Variants in JAZF1 observed in about 807,000 individuals in gnomAD.
The protein encoded by JAZF1 is JAZF zinc finger 1.
A neutral mutation model predicts 26.4 loss-of-function variants in JAZF1; 8 were observed. The ratio of observed to expected loss-of-function variants is 0.30; its 90% CI spans 0.18 to 0.55. The LOEUF (loss-of-function observed/expected upper bound fraction) is 0.55, where lower values mean the gene tolerates loss of function less well. Ranked by LOEUF, JAZF1 falls within the 20% of genes least tolerant of loss-of-function variation. JAZF1 has a pLI of 0.94. For missense variants in JAZF1, 199 were observed against 322.0 expected (o/e 0.62, Z 2.92); for synonymous variants, 126 against 122.3 (o/e 1.03, Z -0.20).
At chr7:28,142,867 C>T (rs1398355316) in intron 1 of JAZF1, among the ~76,000 whole-genome samples, 1 of 152,208 alleles carries the variant, frequency 6.6e-6, no homozygotes, top group Non-Finnish European at 1.5e-5. Context: ...TGACAACGTG[C>T]ACAACCACAC....
At chr7:28,004,771 G>T (rs1352648174) in intron 1 of JAZF1, among the ~76,000 whole-genome samples, 1 of 151,962 alleles carries the variant, frequency 6.6e-6, no homozygotes, top group Non-Finnish European at 1.5e-5. Flanking sequence ...TCGTGCCTTG[G>T]TCTCCCAAGT....
chr7:28,135,627 G>A (rs1034295250), intron 1 of JAZF1, among the ~76,000 whole-genome samples: 5 of 152,098 alleles, frequency 3.3e-5, no homozygotes, highest in African/African-American at 1.2e-4. Context: ...GAAAGAACAC[G>A]GAGAAGAAGT....
intron 1 of JAZF1, among the ~76,000 whole-genome samples, chr7:28,042,571 T>C (rs193232072): frequency 6.6e-6 from 1 of 152,340 alleles, no homozygotes; most frequent in African/African-American, 2.4e-5. Context: ...GCAGGAGGGA[T>C]TGTTTTTAAA....
At chr7:28,003,429 A>T (rs1782637659) in intron 1 of JAZF1, among the ~76,000 whole-genome samples, 1 of 152,220 alleles carries the variant, frequency 6.6e-6, no homozygotes, top group South Asian at 2.1e-4. Flanking sequence ...ATTAGTTATT[A>T]GTGGGCAATA....
chr7:28,128,392 C>T lies in JAZF1; in HGVS notation c.115+52071G>A, dbSNP rs558970704. Among the ~76,000 whole-genome samples, 8 of 152,130 alleles carry T rather than the reference C, an allele frequency of 5.3e-5. No individual in the cohort carries two copies. In the South Asian group the frequency reaches 1.0e-3, roughly 20 times the overall value. ...CAAAAATTAGCCAGGTGTGGTGGCACGCATAGGTAGTCCCAGCTACTTGGG... is the reference window on the plus strand; with the variant it reads ...CAAAAATTAGCCAGGTGTGGTGGCATGCATAGGTAGTCCCAGCTACTTGGG... On this transcript the variant is annotated intron_variant, in intron 1 of 4. Transcript: ENST00000283928.
chr7:28,179,992 G>A (rs1287650783), intron 1 of JAZF1, among the ~76,000 whole-genome samples: 1 of 138,368 alleles, frequency 7.2e-6, no homozygotes, highest in Non-Finnish European at 1.6e-5. Context: ...AGCGCCCGGC[G>A]GCGTGCAGCG....
intron 1 of JAZF1, among the ~76,000 whole-genome samples, chr7:28,163,459 G>C (rs1267967755): frequency 6.6e-6 from 1 of 152,202 alleles, no homozygotes; most frequent in Non-Finnish European, 1.5e-5. Context: ...TATGCTAGGG[G>C]AGGGCATCAC....
At chr7:27,878,163 G>A (rs1323390116) in intron 3 of JAZF1, among the ~76,000 whole-genome samples, 2 of 152,116 alleles carry the variant, frequency 1.3e-5, no homozygotes, top group Non-Finnish European at 2.9e-5. Flanking sequence ...CACACTTGCT[G>A]TTTTGTAGTG....
chr7:28,113,145 C>T (rs965730465), intron 1 of JAZF1, among the ~76,000 whole-genome samples: 6 of 152,182 alleles, frequency 3.9e-5, no homozygotes, highest in Admixed American at 3.9e-4. Context: ...TCTCAGAGTC[C>T]GGCCTGTTGA....
Position 28,139,097 on chromosome 7 carries a change from C to T in JAZF1, c.115+41366G>A, listed in dbSNP as rs112307523. Among the ~76,000 whole-genome samples the T allele has an allele frequency of 3.7e-3, 563 of 152,272 alleles. 1 individual carries two copies. Among genetic ancestry groups the T allele is most frequent in the Middle Eastern group, 0.01 (3 of 294 alleles). ...GCTTCACCATCAGAGACAAATTTCC[C>T]GGTTGCCTGTAGTGACCTTGGTTTA... On this transcript the variant is annotated intron_variant, in intron 1 of 4. Transcript: ENST00000283928.
At chr7:28,110,484 AAAGGAAAGGAAAGGAAAGGAAAAGG>A (rs1784629205) in intron 1 of JAZF1, among the ~76,000 whole-genome samples, 1 of 56,650 alleles carries the variant, frequency 1.8e-5, no homozygotes, top group Non-Finnish European at 4.2e-5. Flanking sequence ...AAAGGAAAGG[AAAGGAAAGGAAAGGAAAGGAAAAGG>A]AAAGGAAAAG....
chr7:28,062,722 C>T (rs1487809654), intron 1 of JAZF1, among the ~76,000 whole-genome samples: 3 of 152,182 alleles, frequency 2.0e-5, no homozygotes, highest in South Asian at 2.1e-4. Flanking sequence ...TCCTTCCTTG[C>T]GTATTTTTCT....
chr7:28,025,079 C>T (rs10480067), intron 1 of JAZF1, among the ~76,000 whole-genome samples: 75,217 of 152,006 alleles, frequency 0.49, 21,471 homozygotes, highest in Non-Finnish European at 0.66. Flanking sequence ...TGTTCCCTAA[C>T]ACCTTTCTAT....
chr7:28,026,970 G>A (rs535260304), intron 1 of JAZF1, among the ~76,000 whole-genome samples: 1 of 152,312 alleles, frequency 6.6e-6, no homozygotes, highest in East Asian at 1.9e-4. Flanking sequence ...ATTCGCCAGT[G>A]TGTCTTTTTC....
chr7:28,036,135 C>A (rs1289733686), intron 1 of JAZF1, among the ~76,000 whole-genome samples: 1 of 152,160 alleles, frequency 6.6e-6, no homozygotes, highest in African/African-American at 2.4e-5. Context: ...TAATATGTAA[C>A]AACTGTGGGG....
intron 1 of JAZF1, among the ~76,000 whole-genome samples, chr7:28,013,952 A>G (rs1782840660): frequency 6.6e-6 from 1 of 152,176 alleles, no homozygotes; most frequent in African/African-American, 2.4e-5. Flanking sequence ...ACTTTCTTAG[A>G]AATAGGCCCA....
At chr7:28,049,763 C>T (rs1156409207) in intron 1 of JAZF1, among the ~76,000 whole-genome samples, 1 of 152,120 alleles carries the variant, frequency 6.6e-6, no homozygotes, top group Non-Finnish European at 1.5e-5. Flanking sequence ...ATAAAGGATA[C>T]AACTCAGGAA....
chr7:28,063,623 C>T (rs146039769), intron 1 of JAZF1, among the ~76,000 whole-genome samples: 31 of 152,168 alleles, frequency 2.0e-4, no homozygotes, highest in East Asian at 1.9e-4. Context: ...TCTATTTGAA[C>T]GTGGGCTCTT....
chr7:28,093,672 C>T lies in JAZF1; in HGVS notation c.115+86791G>A, dbSNP rs146418767. Among the ~76,000 whole-genome samples the T allele has an allele frequency of 3.2e-4, 49 of 152,218 alleles. 1 individual carries two copies. The highest frequency in any genetic ancestry group is 1.0e-3 in the African/African-American group (42 of 41,460). Reference sequence around the variant, plus strand: ...ATCCAGTCAGCTCTCTCAGGCGGCGCGTTCACTGGGTTGTTTTGCCCATTC... The same window carrying T: ...ATCCAGTCAGCTCTCTCAGGCGGCGTGTTCACTGGGTTGTTTTGCCCATTC... On this transcript the variant is annotated intron_variant, in intron 1 of 4. Coordinates refer to ENST00000283928, the MANE Select transcript of JAZF1 (RefSeq NM_175061.4).
Sources: allele counts gnomAD v4.1 joint callset (sites outside exome capture counted in the v4.1 genomes callset), GRCh38; gene constraint gnomAD v4.1.1; transcripts MANE v1.5; gene names NCBI Gene and HGNC (gene_info 2026-07-23, HGNC 2026-07-21).